The following FCHO2 variants were observed in gnomAD, a reference collection of about 807,000 sequenced individuals.
FCHO2 encodes F-BAR domain only protein 2.
A neutral mutation model predicts 114.1 loss-of-function variants in FCHO2; 43 were observed. The observed-to-expected ratio is 0.38, with a 90% confidence interval of 0.30 to 0.49. The LOEUF (loss-of-function observed/expected upper bound fraction) is 0.49. FCHO2 is among the 20% of genes least tolerant of loss of function. The pLI is 0.97. For missense variants in FCHO2, 807 were observed against 950.4 expected (o/e 0.85, Z 1.98); for synonymous variants, 293 against 315.2 (o/e 0.93, Z 0.75).
At chr5:73,028,731 A>C (rs755444067) in intron 8 of FCHO2, among the ~76,000 whole-genome samples, 2 of 148,546 alleles carry the variant, frequency 1.3e-5, no homozygotes, top group Admixed American at 1.4e-4. Flanking sequence ...GCTCACTGCA[A>C]CCTCCACCTC....
chr5:72,984,034 T>G (rs1341883797), intron 2 of FCHO2, among the ~76,000 whole-genome samples: 1 of 152,214 alleles, frequency 6.6e-6, no homozygotes, highest in African/African-American at 2.4e-5. Context: ...TGCTTTATGT[T>G]CTCATCAATT....
intron 19 of FCHO2, among the ~76,000 whole-genome samples, chr5:73,071,202 C>T (rs778576406): frequency 7.9e-5 from 12 of 151,924 alleles, no homozygotes; most frequent in Admixed American, 2.6e-4. Context: ...GATATTTTTG[C>T]ATTTTCTTCT....
chr5:72,987,111 C>T (rs1241586672), intron 2 of FCHO2, among the ~76,000 whole-genome samples: 2 of 151,700 alleles, frequency 1.3e-5, no homozygotes, highest in East Asian at 1.9e-4. Flanking sequence ...CTCCTGACCT[C>T]GTGATCCACC....
At chr5:73,052,290 C>G in intron 12 of FCHO2, 42 bp from the exon 13 acceptor site, 1 of 1,517,926 alleles carries the variant, frequency 6.6e-7, no homozygotes, top group Non-Finnish European at 8.9e-7. Context: ...ACTGGTTATA[C>G]GTCTAAGGTA....
chr5:72,989,343 TGCAC>T, intron 2 of FCHO2, 80 bp from the exon 3 acceptor site: 1 of 969,774 alleles, frequency 1.0e-6, no homozygotes, highest in South Asian at 1.7e-5. Flanking sequence ...CTTTTTGTTT[TGCAC>T]TTTTAATTGT....
At chr5:73,036,749 C>T (rs1756532407) in intron 9 of FCHO2, among the ~76,000 whole-genome samples, 1 of 152,146 alleles carries the variant, frequency 6.6e-6, no homozygotes, top group South Asian at 2.1e-4. Flanking sequence ...TTGTGGCCCT[C>T]TAAAAAGCAA....
chr5:73,021,092 G>C (rs72764853), intron 8 of FCHO2: 1 of 816,452 alleles, frequency 1.2e-6, no homozygotes, highest in Non-Finnish European at 2.2e-6. Flanking sequence ...TTGATGATTC[G>C]GTCCCCCAGT....
intron 13 of FCHO2, among the ~76,000 whole-genome samples, chr5:73,053,713 G>A (rs1018420307): frequency 2.7e-5 from 4 of 150,824 alleles, no homozygotes; most frequent in Non-Finnish European, 5.9e-5. Flanking sequence ...AAAAAAAAAG[G>A]TGGTGAATAT....
At chr5:73,013,466 A>G (rs568861121) in intron 6 of FCHO2, among the ~76,000 whole-genome samples, 174 of 152,356 alleles carry the variant, frequency 1.1e-3, no homozygotes, top group African/African-American at 4.0e-3. Context: ...CCAGGTTTGT[A>G]CAATAGAAAT....
At chr5:72,979,078 T>C (rs1356114403) in intron 2 of FCHO2, among the ~76,000 whole-genome samples, 3 of 152,112 alleles carry the variant, frequency 2.0e-5, no homozygotes, top group African/African-American at 7.2e-5. Context: ...TTCTTTTGTG[T>C]GTGTGTGTCT....
chr5:73,075,318 G>A lies in FCHO2; in HGVS notation c.1691+465G>A, dbSNP rs6896657. 3.3e-3 allele frequency among the ~76,000 whole-genome samples: 506 copies of A among 152,264 alleles called. 2 individuals are homozygous for A. Among genetic ancestry groups the A allele is most frequent in the African/African-American group, 0.011 (477 of 41,572 alleles). On this transcript the variant is annotated intron_variant, in intron 20 of 25. Coordinates refer to ENST00000430046, the MANE Select transcript of FCHO2 (RefSeq NM_138782.3). ...GGTTAATTTAAGCAGGTAGTTGAAA[G>A]ACATGGAGGAGCAAGCCATGCAGAT...
intron 6 of FCHO2, among the ~76,000 whole-genome samples, chr5:73,007,173 G>T (rs1289188978): frequency 6.6e-6 from 1 of 152,114 alleles, no homozygotes. Flanking sequence ...GTCAGAGTAA[G>T]TATGCTGTGG....
intron 7 of FCHO2, among the ~76,000 whole-genome samples, 152 bp downstream of exon 7, chr5:73,015,876 G>A (rs1276868370): frequency 6.6e-6 from 1 of 151,838 alleles, no homozygotes; most frequent in African/African-American, 2.4e-5. Flanking sequence ...TTTACATGTA[G>A]TAAATAGAAA....
At chr5:73,049,712 GAAGC>G (rs1757252891) in intron 11 of FCHO2, among the ~76,000 whole-genome samples, 1 of 152,102 alleles carries the variant, frequency 6.6e-6, no homozygotes, top group East Asian at 1.9e-4. Context: ...ACCCCTTCTT[GAAGC>G]TGTTAAAATG....
At chr5:73,030,796 A>C (rs1313723668) in intron 8 of FCHO2, among the ~76,000 whole-genome samples, 1 of 152,194 alleles carries the variant, frequency 6.6e-6, no homozygotes, top group Non-Finnish European at 1.5e-5. Flanking sequence ...GTTTAGAAGC[A>C]TTGCGCCAGG....
Position 73,078,274 on chromosome 5 carries a change from G to A in FCHO2, c.1942G>A (p.Ala648Thr), listed in dbSNP as rs1742983068. 6.2e-7 allele frequency: 1 copy of A among 1,601,340 alleles called. No homozygotes were observed. The highest frequency in any genetic ancestry group is 8.5e-7 in the Non-Finnish European group (1 of 1,173,934). The change falls in exon 22 of 26, where the codon GCT becomes ACT. Residue 648 changes from alanine (A) to threonine (T), a missense_variant. Physicochemically the swap from Ala to Thr is moderately conservative, Grantham distance 58. Transcript: ENST00000430046. The part of the protein sequence containing the change: ...YLKKLSEQNP[A>T]ASYYNVDVLK... The stretch of plus-strand genomic sequence containing the variant: ...CAAGAAGCTGTCAGAGCAAAATCCA[G>A]CTGCTTCTTATTATAATGTAGATGT...
chr5:73,070,629 C>CT (rs1374761070), intron 19 of FCHO2, among the ~76,000 whole-genome samples: 1 of 147,460 alleles, frequency 6.8e-6, no homozygotes, highest in Non-Finnish European at 1.5e-5. Context: ...GTGATGGAAA[C>CT]TTTAATTTCT....
intron 24 of FCHO2, among the ~76,000 whole-genome samples, chr5:73,085,560 A>G (rs1054253238): frequency 6.8e-6 from 1 of 147,878 alleles, no homozygotes; most frequent in Non-Finnish European, 1.5e-5. Flanking sequence ...GGATCACTTG[A>G]GGCCAGGAGT....
At chr5:72,970,908 T>A (rs377715888) in intron 2 of FCHO2, among the ~76,000 whole-genome samples, 1 of 152,086 alleles carries the variant, frequency 6.6e-6, no homozygotes, top group African/African-American at 2.4e-5. Context: ...TGTCCATGTG[T>A]TCTCATTGTT....
Sources: allele counts gnomAD v4.1 joint callset (sites outside exome capture counted in the v4.1 genomes callset), GRCh38; gene constraint gnomAD v4.1.1; transcripts MANE v1.5; gene names NCBI Gene and HGNC (gene_info 2026-07-23, HGNC 2026-07-21).